Variants in PEAK1 observed in about 807,000 individuals in gnomAD.
PEAK1 encodes the protein inactive tyrosine-protein kinase PEAK1.
PEAK1 carries 54 observed loss-of-function variants against 124.7 expected under a neutral mutation model. The observed-to-expected ratio is 0.43, with a 90% CI of 0.35 to 0.54. The LOEUF (loss-of-function observed/expected upper bound fraction) is 0.54, where lower values mean the gene tolerates loss of function less well. Ranked by LOEUF, PEAK1 falls within the 20% of genes least tolerant of loss-of-function variation. The pLI is 0.01. For missense variants in PEAK1, 2,046 were observed against 2,134.5 expected (o/e 0.96, Z 0.82); for synonymous variants, 719 against 760.0 (o/e 0.95, Z 0.89).
rs571608966 is a variant in PEAK1, at chr15:77,334,203, C to T, written c.-603+30960G>A. 2.8e-5 allele frequency: 28 copies of T among 982,690 alleles called. No individual in the cohort carries two copies. In the Admixed American group the frequency reaches 1.1e-3, roughly 39 times the overall value. The allele number at this position is 982,690 out of a possible 1,614,324, so 60.9% of individuals were successfully genotyped here. A position where few individuals can be genotyped will look rare whatever the true frequency, so the allele number is the denominator to read the frequency against. Reference sequence around the variant, plus strand: ...TATTGAGAAAGTACTGACTTCAGTACATTTAGACGTAACTAACCACATAAT... The same window carrying T: ...TATTGAGAAAGTACTGACTTCAGTATATTTAGACGTAACTAACCACATAAT... On this transcript the variant is annotated intron_variant, in intron 2 of 9. Coordinates refer to ENST00000682557, the MANE Select transcript of PEAK1 (RefSeq NM_001385026.1).
Position 77,115,332 on chromosome 15 carries a change from A to C in PEAK1, c.4078-13T>G. 2 of 1,595,632 alleles carry C rather than the reference A, an allele frequency of 1.3e-6. No individual in the cohort carries two copies. The highest frequency in any genetic ancestry group is 1.7e-6 in the Non-Finnish European group (2 of 1,166,038). Reference sequence around the variant, plus strand: ...TGCTCTTACAGATCTGAAAGATAATAAAACAATTCAAAACTCACACTCTCA... The same window carrying C: ...TGCTCTTACAGATCTGAAAGATAATCAAACAATTCAAAACTCACACTCTCA... On this transcript the variant is annotated splice_polypyrimidine_tract_variant and intron_variant, in intron 9 of 9. Transcript: ENST00000682557.
At chr15:77,417,742 C>A in intron 1 of PEAK1, 1 of 985,420 alleles carries the variant, frequency 1.0e-6, no homozygotes. Flanking sequence ...TTAAAAAGAA[C>A]AACAAATCTC....
intron 1 of PEAK1, among the ~76,000 whole-genome samples, chr15:77,391,526 G>T (rs1005410690): frequency 2.1e-5 from 3 of 140,534 alleles, no homozygotes; most frequent in African/African-American, 8.0e-5. Flanking sequence ...GGAAACACCA[G>T]GCCAGACTAC....
chr15:77,207,196 T>C (rs564889806), intron 6 of PEAK1, among the ~76,000 whole-genome samples: 9 of 152,158 alleles, frequency 5.9e-5, no homozygotes, highest in South Asian at 2.1e-4. Context: ...ATTCAGGACA[T>C]AGGCATGGGC....
At chr15:77,365,734 C>T (rs1257127055) in intron 1 of PEAK1, among the ~76,000 whole-genome samples, 3 of 119,724 alleles carry the variant, frequency 2.5e-5, no homozygotes, top group Non-Finnish European at 3.5e-5. Flanking sequence ...AGCAAGACTC[C>T]ATCTCATAAA....
At chr15:77,272,626 C>T (rs2062096081) in intron 5 of PEAK1, among the ~76,000 whole-genome samples, 1 of 151,772 alleles carries the variant, frequency 6.6e-6, no homozygotes, top group African/African-American at 2.4e-5. Flanking sequence ...TTAAAAGTTA[C>T]CAACAAAAAA....
chr15:77,305,277 A>C (rs545852173), intron 2 of PEAK1, among the ~76,000 whole-genome samples: 1 of 152,270 alleles, frequency 6.6e-6, no homozygotes, highest in African/African-American at 2.4e-5. Flanking sequence ...ATTATGAATA[A>C]ATTAGAAATC....
chr15:77,248,709 C>A (rs1359568899), intron 6 of PEAK1, among the ~76,000 whole-genome samples: 1 of 152,174 alleles, frequency 6.6e-6, no homozygotes, highest in Non-Finnish European at 1.5e-5. Context: ...GTTTTCAAGC[C>A]ACCCAGTTTA....
At chr15:77,385,850 T>C (rs1202034424) in intron 1 of PEAK1, among the ~76,000 whole-genome samples, 1 of 152,206 alleles carries the variant, frequency 6.6e-6, no homozygotes, top group African/African-American at 2.4e-5. Flanking sequence ...GCATTGGGAA[T>C]TTCCAAAGGA....
At position 77,133,684 on chromosome 15, in the gene PEAK1, G is replaced by T; in HGVS notation, c.3398C>A (p.Ala1133Asp). 1.9e-6 allele frequency: 3 copies of T among 1,614,036 alleles called. No homozygotes were observed. Among genetic ancestry groups the T allele is most frequent in the Non-Finnish European group, 2.5e-6 (3 of 1,179,958 alleles). Residue 1133 changes from alanine to aspartate, a missense_variant, in exon 9 of 10, where the codon GCC becomes GAC. By Grantham distance (126) the Ala-to-Asp change is moderately radical (BLOSUM62 -2). Transcript: ENST00000682557. This position sits in a 1 kb window ranked among gnomAD's most constrained non-coding sequence, Gnocchi z 4.2. ...PRQPKGAVDDAIAFGGKTDQE... is the reference protein window; with the variant it reads ...PRQPKGAVDDDIAFGGKTDQE... ...GTCTGTTTTCCCTCCAAAGGCGATG[G>T]CATCGTCCACAGCTCCCTTGGGCTG... is the stretch of plus-strand genomic sequence containing the variant.
Position 77,353,420 on chromosome 15 carries a change from C to T in PEAK1, c.-603+11743G>A, listed in dbSNP as rs1242473891. Among the ~76,000 whole-genome samples the T allele has an allele frequency of 5.9e-5, 9 of 152,224 alleles. No individual in the cohort carries two copies. The South Asian group carries it at 8.3e-4, about 14-fold the overall frequency. ...TGACATAACAAAAACCTAAAAGATG[C>T]GACACTGGTTTCAAGACTGGGTGGT... is the stretch of plus-strand genomic sequence containing the variant. On this transcript the variant is annotated intron_variant, in intron 2 of 9. Coordinates refer to ENST00000682557, the MANE Select transcript of PEAK1 (RefSeq NM_001385026.1).
chr15:77,331,693 T>C (rs1338078386), intron 2 of PEAK1, among the ~76,000 whole-genome samples: 1 of 152,056 alleles, frequency 6.6e-6, no homozygotes, highest in Non-Finnish European at 1.5e-5. Context: ...CTCAGCTCAC[T>C]GCAACCTCCG....
chr15:77,233,155 A>G (rs1172662047), intron 6 of PEAK1, among the ~76,000 whole-genome samples: 1 of 152,080 alleles, frequency 6.6e-6, no homozygotes, highest in African/African-American at 2.4e-5. Flanking sequence ...TTTCCCTTGT[A>G]CTCCGGTTTC....
chr15:77,348,220 C>T, intron 2 of PEAK1: 1 of 974,368 alleles, frequency 1.0e-6, no homozygotes, highest in Non-Finnish European at 1.2e-6. Context: ...GGATCAGAGA[C>T]CCACCTGTAC....
chr15:77,342,485 C>A (rs1473273682), intron 2 of PEAK1, among the ~76,000 whole-genome samples: 1 of 150,326 alleles, frequency 6.7e-6, no homozygotes, highest in Non-Finnish European at 1.5e-5. Context: ...CAGCTCACTG[C>A]AGCTGCAATT....
chr15:77,349,296 C>G, intron 2 of PEAK1: 1 of 848,234 alleles, frequency 1.2e-6, no homozygotes, highest in African/African-American at 1.8e-5. Flanking sequence ...GCCTCGGCCT[C>G]CCAAAGTGCT....
intron 1 of PEAK1, among the ~76,000 whole-genome samples, chr15:77,406,929 T>C (rs993371703): frequency 6.6e-6 from 1 of 152,134 alleles, no homozygotes; most frequent in Non-Finnish European, 1.5e-5. Context: ...AATAGGCACG[T>C]AGACCAATTT....
rs80313795 is a variant in PEAK1, at chr15:77,355,397, A to G, written c.-603+9766T>C. Among the ~76,000 whole-genome samples the G allele has an allele frequency of 1.5e-4, 23 of 152,340 alleles. No homozygotes were observed. In the East Asian group the frequency reaches 4.4e-3, roughly 29 times the overall value. On this transcript the variant is annotated intron_variant, in intron 2 of 9. Coordinates refer to ENST00000682557, the MANE Select transcript of PEAK1 (RefSeq NM_001385026.1). ...GATGCAATAAAAGACTTAAAAATTCATGGGCCATTTTGGGCAAGAATGACT... is the reference window on the plus strand; with the variant it reads ...GATGCAATAAAAGACTTAAAAATTCGTGGGCCATTTTGGGCAAGAATGACT...
At position 77,180,055 on chromosome 15, in the gene PEAK1, G is replaced by A; in HGVS notation, c.1872C>T (p.Ile624=). ...TTGGATTGATAACAATGGGAACTTT[G>A]ATAGCATTTTTGGAACTCCGAGCAT... The part of the protein sequence containing the change: ...PTYARSSKNA[I]KVPIVINPNA... Residue 624 remains isoleucine (I), a synonymous_variant, in exon 7 of 10, where the codon ATC becomes ATT. Coordinates refer to ENST00000682557, the MANE Select transcript of PEAK1 (RefSeq NM_001385026.1). The A allele has an allele frequency of 6.2e-7, 1 of 1,613,964 alleles. No individual in the cohort carries two copies. Among genetic ancestry groups the A allele is most frequent in the Non-Finnish European group, 8.5e-7 (1 of 1,179,870 alleles).
Sources: gnomAD v4.1 joint callset for allele counts (sites outside exome capture counted in the v4.1 genomes callset) on GRCh38, gnomAD v4.1.1 for gene constraint, Gnocchi (gnomAD v3.1) non-coding constraint, MANE v1.5 for transcripts, NCBI Gene and HGNC (gene_info 2026-07-23, HGNC 2026-07-21) for gene names.